SMOX: variants seen among roughly 807,000 people sequenced by gnomAD.
SMOX encodes spermine oxidase, also known as flavin containing amine oxidase.
SMOX carries 22 observed loss-of-function variants against 51.0 expected under a neutral mutation model. That is an observed-to-expected ratio of 0.43 (90% confidence interval 0.31 to 0.62). SMOX has a LOEUF of 0.62. SMOX is among the 20% of genes least tolerant of loss of function. SMOX has a pLI of 0.10. For missense variants in SMOX, 566 were observed against 777.7 expected (o/e 0.73, Z 3.24); for synonymous variants, 282 against 307.8 (o/e 0.92, Z 0.88).
intron 2 of SMOX, 48 bp downstream of exon 2, chr20:4,175,311 G>A (rs1260435046): frequency 6.3e-7 from 1 of 1,575,414 alleles, no homozygotes; most frequent in Non-Finnish European, 8.7e-7. Flanking sequence ...GTCACCTTTA[G>A]TCTCCTAATT....
In SMOX at chr20:4,187,166, C is replaced by G; in HGVS notation, c.1531-104C>G. 1 of 1,417,934 alleles carries G rather than the reference C, an allele frequency of 7.1e-7. No individual in the cohort carries two copies. 87.8% of individuals were successfully genotyped at this position (1,417,934 alleles called of 1,614,324 possible). A position where few individuals can be genotyped will look rare whatever the true frequency, so the allele number is the denominator to read the frequency against. On this transcript the variant is annotated intron_variant, in intron 6 of 6. Transcript: ENST00000305958. This position sits in a 1 kb window ranked among gnomAD's most constrained non-coding sequence, Gnocchi z 4.8. Reference sequence around the variant, plus strand: ...GCAGCACCTGCGTCTCAGAGCCTCTCTAATTTGTCATTGGGATGGGAGGTT... The same window carrying G: ...GCAGCACCTGCGTCTCAGAGCCTCTGTAATTTGTCATTGGGATGGGAGGTT...
rs998057519 is a variant in SMOX, at chr20:4,183,888, G to A, written c.1530+234G>A. Among the ~76,000 whole-genome samples, 1 of 152,176 alleles carries A rather than the reference G, an allele frequency of 6.6e-6. No homozygotes were observed. Among genetic ancestry groups the A allele is most frequent in the African/African-American group, 2.4e-5 (1 of 41,436 alleles). Reference sequence around the variant, plus strand: ...ATGTTTTCTTGATGTTATGAAAACTGAGCTATTCCATGCTGTGCTGGCCAA... The same window carrying A: ...ATGTTTTCTTGATGTTATGAAAACTAAGCTATTCCATGCTGTGCTGGCCAA... On this transcript the variant is annotated intron_variant, in intron 6 of 6. Coordinates refer to ENST00000305958, the MANE Select transcript of SMOX (RefSeq NM_175839.3). The surrounding 1 kb of genome is among the most constrained non-coding windows in gnomAD (Gnocchi z 4.3).
chr20:4,175,834 AG>A (rs1978789109), intron 2 of SMOX, among the ~76,000 whole-genome samples: 1 of 130,970 alleles, frequency 7.6e-6, no homozygotes, highest in African/African-American at 2.9e-5. Context: ...AGACTTTGCC[AG>A]GGATCTCAGA....
chr20:4,182,504 C>A lies in SMOX; in HGVS notation c.1025C>A (p.Thr342Asn), dbSNP rs1979413870. Residue 342 changes from threonine to asparagine, a missense_variant, in exon 5 of 7, where the codon ACC becomes AAC. This residue lies in a region of SMOX where 347 missense variants were observed against 481.8 expected (regional missense o/e 0.72). Transcript: ENST00000305958. This position sits in a 1 kb window ranked among gnomAD's most constrained non-coding sequence, Gnocchi z 8.4. ...VSLGVLKRQYTSFFRPGLPTE... is the reference protein window; with the variant it reads ...VSLGVLKRQYNSFFRPGLPTE... ...CTAGGTGTGCTAAAGAGGCAGTACA[C>A]CAGTTTCTTCCGGCCAGGCCTGCCC... 4 of 1,608,108 alleles carry A rather than the reference C, an allele frequency of 2.5e-6. No homozygotes were observed. The highest frequency in any genetic ancestry group is 3.4e-6 in the Non-Finnish European group (4 of 1,176,600).
In SMOX at chr20:4,172,220, C is replaced by A. The variant is rs1449716441; in HGVS notation, c.-26-2810C>A. ...TGTGTGGGGTGGCCTGGGGCAGACC[C>A]GCCGGGCGGGTTGCGGCGCCACGTC... On this transcript the variant is annotated intron_variant, in intron 1 of 6. Coordinates refer to ENST00000305958, the MANE Select transcript of SMOX (RefSeq NM_175839.3). This position sits in a 1 kb window ranked among gnomAD's most constrained non-coding sequence, Gnocchi z 7.7. 1.3e-5 allele frequency among the ~76,000 whole-genome samples: 2 copies of A among 152,232 alleles called. No homozygotes were observed. The highest frequency in any genetic ancestry group is 4.1e-4 in the South Asian group (2 of 4,832).
In SMOX at chr20:4,182,244, C is replaced by A; in HGVS notation, c.765C>A (p.Ile255=). 1 of 1,613,690 alleles carries A rather than the reference C, an allele frequency of 6.2e-7. No individual in the cohort carries two copies. Among genetic ancestry groups the A allele is most frequent in the Non-Finnish European group, 8.5e-7 (1 of 1,179,948 alleles). ...LLAEGIPAHV[I]QLGKPVRCIH... is the part of the protein sequence containing the mutation. ...CGGAGGGCATCCCTGCCCACGTCATCCAGCTAGGGAAACCTGTCCGCTGCA... is the reference window on the plus strand; with the variant it reads ...CGGAGGGCATCCCTGCCCACGTCATACAGCTAGGGAAACCTGTCCGCTGCA... Residue 255 remains isoleucine (I), a synonymous_variant, in exon 5 of 7, where the codon ATC becomes ATA. Transcript: ENST00000305958. The surrounding 1 kb of genome is among the most constrained non-coding windows in gnomAD (Gnocchi z 8.4).
At chr20:4,184,352 C>T (rs1179790926) in intron 6 of SMOX, among the ~76,000 whole-genome samples, 3 of 152,024 alleles carry the variant, frequency 2.0e-5, no homozygotes, top group Admixed American at 6.6e-5. Context: ...GTTCAACAGC[C>T]ACATGTGGCT....
At position 4,175,024 on chromosome 20, in the gene SMOX, C is replaced by T. The variant is rs1029805334; in HGVS notation, c.-26-6C>T. On this transcript the variant is annotated splice_polypyrimidine_tract_variant and splice_region_variant and intron_variant, in intron 1 of 6. Transcript: ENST00000305958. ...CACTAAGCTGTGACACCTCCTCCCCCTGCAGGTTCCTAGAAGGTGAGCGCG... is the reference window on the plus strand; with the variant it reads ...CACTAAGCTGTGACACCTCCTCCCCTTGCAGGTTCCTAGAAGGTGAGCGCG... The T allele has an allele frequency of 1.2e-6, 2 of 1,611,682 alleles. No homozygotes were observed. The highest frequency in any genetic ancestry group is 1.7e-6 in the Non-Finnish European group (2 of 1,178,484).
In SMOX at chr20:4,167,376, C is replaced by T. The variant is rs1050489140; in HGVS notation, c.-26-7654C>T. ...CTGGTCTCTTTGGGGATCTTCCTCC[C>T]TCTCCCGCCCTCTCCGAGATGACCT... On this transcript the variant is annotated intron_variant, in intron 1 of 6. Transcript: ENST00000305958. This position sits in a 1 kb window ranked among gnomAD's most constrained non-coding sequence, Gnocchi z 4.8. 2.6e-5 allele frequency among the ~76,000 whole-genome samples: 4 copies of T among 152,184 alleles called. No homozygotes were observed. The highest frequency in any genetic ancestry group is 9.7e-5 in the African/African-American group (4 of 41,432).
chr20:4,156,513 C>G (rs1416015619), intron 1 of SMOX, among the ~76,000 whole-genome samples: 2 of 152,174 alleles, frequency 1.3e-5, no homozygotes, highest in African/African-American at 4.8e-5. Context: ...CTGCTACCCC[C>G]CTGCCAGTGC....
intron 6 of SMOX, chr20:4,186,928 T>A (rs1396376768): frequency 1.4e-6 from 1 of 694,760 alleles, no homozygotes; most frequent in East Asian, 2.5e-5. Flanking sequence ...ACAACCACCC[T>A]CCGAAGTAGG....
Position 4,167,353 on chromosome 20 carries a change from G to T in SMOX, c.-26-7677G>T, listed in dbSNP as rs1394501482. On this transcript the variant is annotated intron_variant, in intron 1 of 6. Transcript: ENST00000305958. The surrounding 1 kb of genome is among the most constrained non-coding windows in gnomAD (Gnocchi z 4.8). ...CCCTAGGAAAGGTGACTTCTGTACT[G>T]GTCTCTTTGGGGATCTTCCTCCCTC... Among the ~76,000 whole-genome samples, 1 of 152,094 alleles carries T rather than the reference G, an allele frequency of 6.6e-6. No homozygotes were observed. The highest frequency in any genetic ancestry group is 1.5e-5 in the Non-Finnish European group (1 of 68,014).
intron 1 of SMOX, among the ~76,000 whole-genome samples, chr20:4,158,091 G>A (rs1314271081): frequency 2.2e-4 from 33 of 148,500 alleles, no homozygotes; most frequent in Non-Finnish European, 3.1e-4. Flanking sequence ...TAGTAGAGAT[G>A]GTGTTTCACC....
intron 1 of SMOX, among the ~76,000 whole-genome samples, chr20:4,168,536 T>G (rs1986672142): frequency 6.6e-6 from 1 of 151,072 alleles, no homozygotes; most frequent in Non-Finnish European, 1.5e-5. Context: ...CAGAGATGGG[T>G]AGGAGTTTTG....
intron 1 of SMOX, among the ~76,000 whole-genome samples, chr20:4,150,772 G>A (rs905913441): frequency 6.7e-6 from 1 of 149,654 alleles, no homozygotes; most frequent in Non-Finnish European, 1.5e-5. Flanking sequence ...ACAGAACCCT[G>A]ATGGCACTCC....
In SMOX at chr20:4,177,283, G is replaced by A. The variant is rs371462794; in HGVS notation, c.209-68G>A. 1.5e-6 allele frequency: 2 copies of A among 1,353,336 alleles called. No homozygotes were observed. The highest frequency in any genetic ancestry group is 2.5e-5 in the East Asian group (1 of 39,650). The allele number at this position is 1,353,336 out of a possible 1,614,324, so 83.8% of individuals were successfully genotyped here. ...GAAAGACCCTCTTGGAGGAAGGAGG[G>A]GGAAGCAGTGCTGGCCCTCTCTGGA... On this transcript the variant is annotated intron_variant, in intron 2 of 6. Transcript: ENST00000305958. The surrounding 1 kb of genome is among the most constrained non-coding windows in gnomAD (Gnocchi z 4.3).
At position 4,183,328 on chromosome 20, in the gene SMOX, G is replaced by C; in HGVS notation, c.1370-166G>C. The C allele has an allele frequency of 1.0e-6, 1 of 977,834 alleles. No homozygotes were observed. The highest frequency in any genetic ancestry group is 1.4e-5 in the South Asian group (1 of 69,738). 60.6% of individuals were successfully genotyped at this position (977,834 alleles called of 1,614,324 possible). On this transcript the variant is annotated intron_variant, in intron 5 of 6. Transcript: ENST00000305958. This position sits in a 1 kb window ranked among gnomAD's most constrained non-coding sequence, Gnocchi z 4.3. ...GAGGCGCTGAGTGGGTACACAGCTC[G>C]AGCCCCAGCCTCCCTCCTTCCTCTT... is the stretch of plus-strand genomic sequence containing the variant.
rs936704421 is a variant in SMOX, at chr20:4,166,845, T to G, written c.-26-8185T>G. On this transcript the variant is annotated intron_variant, in intron 1 of 6. Coordinates refer to ENST00000305958, the MANE Select transcript of SMOX (RefSeq NM_175839.3). This position sits in a 1 kb window ranked among gnomAD's most constrained non-coding sequence, Gnocchi z 4.2. The stretch of plus-strand genomic sequence containing the variant: ...CTGCCAAGGCCCCCTGGCTCCCTTC[T>G]TCTCATCTGAAATTCGCTTACAAAG... Among the ~76,000 whole-genome samples, 10 of 152,230 alleles carry G rather than the reference T, an allele frequency of 6.6e-5. No individual in the cohort carries two copies. The highest frequency in any genetic ancestry group is 1.3e-4 in the Admixed American group (2 of 15,284).
intron 3 of SMOX, among the ~76,000 whole-genome samples, chr20:4,180,981 C>T (rs1253139393): frequency 6.6e-6 from 1 of 152,184 alleles, no homozygotes; most frequent in Non-Finnish European, 1.5e-5. Context: ...TTCTGGGGAT[C>T]CCTGGACTGG....
Sources: gnomAD v4.1 joint callset for allele counts (sites outside exome capture counted in the v4.1 genomes callset) on GRCh38, gnomAD v4.1.1 for gene constraint, gnomAD v4.1.1 regional missense constraint, Gnocchi (gnomAD v3.1) non-coding constraint, MANE v1.5 for transcripts, NCBI Gene and HGNC (gene_info 2026-07-23, HGNC 2026-07-21) for gene names.